NFIX: variants seen among roughly 807,000 people sequenced by gnomAD.
The protein encoded by NFIX is nuclear factor 1 X-type.
A neutral mutation model predicts 53.3 loss-of-function variants in NFIX; 2 were observed. The ratio of observed to expected loss-of-function variants is 0.04; its 90% confidence interval spans 0.02 to 0.12. The LOEUF (loss-of-function observed/expected upper bound fraction) is 0.12. NFIX is among the 10% of genes least tolerant of loss of function. NFIX has a pLI of 1.00. For synonymous variants in NFIX, 244 were observed against 289.0 expected, an observed-to-expected ratio of 0.84 and a Z score of 1.58; for missense variants, 310 against 674.5, an observed-to-expected ratio of 0.46 and a Z score of 5.99.
At chr19:13,083,554 T>TA (rs1186007101) in intron 8 of NFIX, among the ~76,000 whole-genome samples, 2 of 152,002 alleles carry the variant, frequency 1.3e-5, no homozygotes, top group African/African-American at 2.4e-5. Context: ...CCATAGTTTT[T>TA]AAAAAAACGA....
intron 1 of NFIX, among the ~76,000 whole-genome samples, chr19:13,000,479 CT>C (rs915114268): frequency 3.3e-5 from 5 of 150,116 alleles, no homozygotes; most frequent in African/African-American, 1.2e-4. Flanking sequence ...TGGCCCAGCT[CT>C]TTTACCTTTG....
rs1312359878 is a variant in NFIX at position 13,014,241 on chromosome 19, C to T, written c.28-10780C>T. ...CTCCGCTCCGGTCTGATTCGCAAATCCCCAAACTGGCACAAACCGGGAAAC... is the reference window on the plus strand; with the variant it reads ...CTCCGCTCCGGTCTGATTCGCAAATTCCCAAACTGGCACAAACCGGGAAAC... On this transcript the variant is annotated intron_variant, in intron 1 of 10. Transcript: ENST00000592199. This position sits in a 1 kb window ranked among gnomAD's most constrained non-coding sequence, Gnocchi z 4.4. 6.6e-6 allele frequency: 1 copy of T among 152,186 alleles called. No individual in the cohort carries two copies. Among genetic ancestry groups the T allele is most frequent in the East Asian group, 1.9e-4 (1 of 5,194 alleles). 9.4% of individuals were successfully genotyped at this position (152,186 alleles called of 1,614,324 possible). A position where few individuals can be genotyped will look rare whatever the true frequency, so the allele number is the denominator to read the frequency against.
chr19:13,042,752 T>C (rs2145276357), intron 2 of NFIX, among the ~76,000 whole-genome samples: 1 of 131,134 alleles, frequency 7.6e-6, no homozygotes, highest in African/African-American at 3.0e-5. Context: ...GGCCTTTGAG[T>C]TGTGTTGCGT....
intron 8 of NFIX, among the ~76,000 whole-genome samples, chr19:13,084,101 T>G (rs1464008777): frequency 6.6e-6 from 1 of 152,200 alleles, no homozygotes; most frequent in East Asian, 1.9e-4. Context: ...TCTAACCTCC[T>G]TGAGAATCAG....
chr19:13,069,184 C>T (rs558644400), intron 2 of NFIX, among the ~76,000 whole-genome samples: 1 of 152,298 alleles, frequency 6.6e-6, no homozygotes, highest in South Asian at 2.1e-4. Flanking sequence ...CCAGGGAGCG[C>T]TGGGAGCCAC....
At chr19:13,084,257 C>A (rs2017642862) in intron 8 of NFIX, among the ~76,000 whole-genome samples, 1 of 152,038 alleles carries the variant, frequency 6.6e-6, no homozygotes, top group Non-Finnish European at 1.5e-5. Flanking sequence ...CCAGCCTGGG[C>A]AACACGGTAA....
rs1055456697 is a variant in NFIX at position 13,060,614 on chromosome 19, G to A, written c.560-12433G>A. 3.9e-5 allele frequency among the ~76,000 whole-genome samples: 6 copies of A among 152,226 alleles called. No individual in the cohort carries two copies. The highest frequency in any genetic ancestry group is 9.6e-5 in the African/African-American group (4 of 41,462). On this transcript the variant is annotated intron_variant, in intron 2 of 10. Transcript: ENST00000592199. The surrounding 1 kb of genome is among the most constrained non-coding windows in gnomAD (Gnocchi z 4.3). ...CAGCCCTACATGTGTGACCCTTGGTGCCTGGCAAGGCGGGGGGGTAGGGAG... is the reference window on the plus strand; with the variant it reads ...CAGCCCTACATGTGTGACCCTTGGTACCTGGCAAGGCGGGGGGGTAGGGAG...
intron 1 of NFIX, among the ~76,000 whole-genome samples, chr19:13,007,356 T>C (rs1266739686): frequency 1.3e-5 from 2 of 152,236 alleles, no homozygotes; most frequent in South Asian, 4.1e-4. Flanking sequence ...GGGGCACATG[T>C]TCTAAGCCAG....
chr19:13,030,375 A>C (rs775810590), intron 2 of NFIX, among the ~76,000 whole-genome samples: 10 of 152,236 alleles, frequency 6.6e-5, no homozygotes, highest in Non-Finnish European at 1.3e-4. Context: ...GGCACATAGC[A>C]GGACGGCAGC....
Position 13,028,882 on chromosome 19 carries a change from G to A in NFIX, c.559+3330G>A, listed in dbSNP as rs1433895362. ...ATCTCCAAAGTTTCTGCAGCACCCTGAAGGTGAACCAGTGCCTTCAGACCT... is the reference window on the plus strand; with the variant it reads ...ATCTCCAAAGTTTCTGCAGCACCCTAAAGGTGAACCAGTGCCTTCAGACCT... On this transcript the variant is annotated intron_variant, in intron 2 of 10. Coordinates refer to ENST00000592199, the MANE Select transcript of NFIX (RefSeq NM_001365902.3). This position sits in a 1 kb window ranked among gnomAD's most constrained non-coding sequence, Gnocchi z 4.2. 6.6e-6 allele frequency among the ~76,000 whole-genome samples: 1 copy of A among 152,064 alleles called. No individual in the cohort carries two copies. The highest frequency in any genetic ancestry group is 1.5e-5 in the Non-Finnish European group (1 of 68,010).
In NFIX at chr19:13,022,780, C is replaced by A. The variant is rs558381465; in HGVS notation, c.28-2241C>A. On this transcript the variant is annotated intron_variant, in intron 1 of 10. Transcript: ENST00000592199. The surrounding 1 kb of genome is among the most constrained non-coding windows in gnomAD (Gnocchi z 4.5). ...ATTTTTCAGGCTTAAAAAAAAATTT[C>A]GAGTCTTCCACAATCCCAGTCCCCC... Among the ~76,000 whole-genome samples, 2 of 152,072 alleles carry A rather than the reference C, an allele frequency of 1.3e-5. No individual in the cohort carries two copies. Among genetic ancestry groups the A allele is most frequent in the Non-Finnish European group, 2.9e-5 (2 of 68,000 alleles).
rs2018555353 is a variant in NFIX at position 13,097,874 on chromosome 19, C to T, written c.*3225C>T. ...TCTCTCATCCTATCCCCGACCCCCT[C>T]CGGGGAACACCGGGAAGGCTCGACG... On this transcript the variant is annotated 3_prime_UTR_variant, in exon 11 of 11. Coordinates refer to ENST00000592199, the MANE Select transcript of NFIX (RefSeq NM_001365902.3). 6.6e-6 allele frequency: 1 copy of T among 152,498 alleles called. No individual in the cohort carries two copies. The highest frequency in any genetic ancestry group is 1.5e-5 in the Non-Finnish European group (1 of 68,102). The allele number at this position is 152,498 out of a possible 1,614,324, so 9.4% of individuals were successfully genotyped here.
At chr19:13,076,592 C>T (rs1026264959) in intron 6 of NFIX, among the ~76,000 whole-genome samples, 1 of 152,180 alleles carries the variant, frequency 6.6e-6, no homozygotes, top group South Asian at 2.1e-4. Flanking sequence ...CAGACTCACG[C>T]GTGTGGGTTG....
chr19:13,073,399 C>G lies in NFIX; in HGVS notation c.623-23C>G, dbSNP rs1325225114. 2.5e-6 allele frequency: 4 copies of G among 1,605,232 alleles called. No homozygotes were observed. In the South Asian group the frequency reaches 4.4e-5, roughly 18 times the overall value. ...GCCCCCTTCTGGCCTTGTCTTGACT[C>G]ACTCATCCTTTCCCCTCTTCAGGGC... On this transcript the variant is annotated intron_variant, in intron 3 of 10. Transcript: ENST00000592199. The surrounding 1 kb of genome is among the most constrained non-coding windows in gnomAD (Gnocchi z 4.5).
chr19:13,092,664 A>G (rs1203401696), intron 10 of NFIX, among the ~76,000 whole-genome samples: 1 of 152,258 alleles, frequency 6.6e-6, no homozygotes, highest in Non-Finnish European at 1.5e-5. Flanking sequence ...GGGCAATGGC[A>G]CAGGGTTCCT....
chr19:13,023,688 T>A (rs532489084), intron 1 of NFIX, among the ~76,000 whole-genome samples: 7 of 149,652 alleles, frequency 4.7e-5, no homozygotes, highest in South Asian at 4.3e-4. Flanking sequence ...GAAAAAAAAA[T>A]TTTGTTGGCT....
At chr19:13,075,728 C>T in intron 6 of NFIX, 57 bp downstream of exon 6, 1 of 1,573,306 alleles carries the variant, frequency 6.4e-7, no homozygotes, top group Non-Finnish European at 8.7e-7. Flanking sequence ...CTTTTTGTCC[C>T]CTTCTCAGTT....
At position 13,096,915 on chromosome 19, in the gene NFIX, G is replaced by C. The variant is rs1397185073; in HGVS notation, c.*2266G>C. The C allele has an allele frequency of 2.0e-5, 3 of 150,330 alleles. No individual in the cohort carries two copies. Among genetic ancestry groups the C allele is most frequent in the Non-Finnish European group, 4.4e-5 (3 of 67,576 alleles). 9.3% of individuals were successfully genotyped at this position (150,330 alleles called of 1,614,324 possible). A position where few individuals can be genotyped will look rare whatever the true frequency, so the allele number is the denominator to read the frequency against. On this transcript the variant is annotated 3_prime_UTR_variant, in exon 11 of 11. Coordinates refer to ENST00000592199, the MANE Select transcript of NFIX (RefSeq NM_001365902.3). ...CCCAAGTGGTGTTGTGAGGGGCAATGAGGGCAACAGGAGATGTGGGGACGT... is the reference window on the plus strand; with the variant it reads ...CCCAAGTGGTGTTGTGAGGGGCAATCAGGGCAACAGGAGATGTGGGGACGT...
rs1599830308 is a variant in NFIX at position 13,067,467 on chromosome 19, TGTGTGTGTGTGTGTGC to T, written c.560-5564_560-5549del. 9.1e-6 allele frequency among the ~76,000 whole-genome samples: 1 copy of T among 109,536 alleles called. No individual in the cohort carries two copies. The highest frequency in any genetic ancestry group is 1.8e-5 in the Non-Finnish European group (1 of 54,480). The allele number at this position is 109,536 out of a possible 152,430, so 71.9% of individuals were successfully genotyped here. A position where few individuals can be genotyped will look rare whatever the true frequency, so the allele number is the denominator to read the frequency against. On this transcript the variant is annotated intron_variant, in intron 2 of 10. Transcript: ENST00000592199. This position sits in a 1 kb window ranked among gnomAD's most constrained non-coding sequence, Gnocchi z 4.2. ...GCACCTCCGTGTGTGTGCGCGCGTG[TGTGTGTGTGTGTGTGC>T]GTGTGTGTGTGTGTGTGTGTGTATG... is the stretch of plus-strand genomic sequence containing the variant.
Sources: allele counts gnomAD v4.1 joint callset (sites outside exome capture counted in the v4.1 genomes callset), GRCh38; gene constraint gnomAD v4.1.1; non-coding constraint Gnocchi (gnomAD v3.1); transcripts MANE v1.5; gene names NCBI Gene and HGNC (gene_info 2026-07-23, HGNC 2026-07-21).